Variants in RNF122 observed in about 807,000 individuals in gnomAD.
RNF122 encodes ring finger protein 122.
Under a neutral mutation model 24.2 loss-of-function variants are expected in RNF122, and 17 were observed. That is an observed-to-expected ratio of 0.70 (90% CI 0.48 to 1.06). RNF122 has a LOEUF of 1.06. Among genes scored for constraint, RNF122 ranks in the 50% least tolerant of loss-of-function variants. The probability of loss-of-function intolerance (pLI) is 0.00; values close to 1 mark genes in which losing one functional copy is unlikely to be tolerated. For synonymous variants in RNF122, 65 were observed against 71.8 expected (o/e 0.91, Z 0.48); for missense variants, 168 against 198.1 (o/e 0.85, Z 0.91).
rs1471161893 is a variant in RNF122, at chr8:33,558,672, A to C, written c.125T>G (p.Phe42Cys). The C allele has an allele frequency of 1.2e-6, 2 of 1,611,676 alleles. No homozygotes were observed. The highest frequency in any genetic ancestry group is 1.7e-6 in the Non-Finnish European group (2 of 1,178,366). The change falls in exon 2 of 6, where the codon TTC becomes TGC. Residue 42 changes from phenylalanine (F) to cysteine (C), a missense_variant. Physicochemically the swap from Phe to Cys is radical, Grantham distance 205 (BLOSUM62 -2). Coordinates refer to ENST00000256257, the MANE Select transcript of RNF122 (RefSeq NM_024787.3). Reference protein sequence around the residue: ...DLPLNIYMVIFGTGIFVFMLS... With the variant: ...DLPLNIYMVICGTGIFVFMLS... ...CATGAAGACAAAGATGCCTGTGCCG[A>C]AGATGACCATATAGATGTTGAGCGG... is the stretch of plus-strand genomic sequence containing the variant.
At chr8:33,565,273 G>A (rs1404831866) in intron 1 of RNF122, among the ~76,000 whole-genome samples, 1 of 152,184 alleles carries the variant, frequency 6.6e-6, no homozygotes, top group Admixed American at 6.6e-5. Flanking sequence ...AAAGGAGGAA[G>A]GCGGGGTGGG....
chr8:33,557,622 C>T (rs891095191), intron 2 of RNF122, among the ~76,000 whole-genome samples: 4 of 115,502 alleles, frequency 3.5e-5, no homozygotes, highest in African/African-American at 1.1e-4. Flanking sequence ...AGTGAGACAC[C>T]GTCTCAAAAA....
rs1810635039 is a variant in RNF122 at position 33,566,880 on chromosome 8, G to T, written c.-157C>A. ...GAAGCCGAACTCCCTCCGGAGTGGG[G>T]GGCTTTGACGAGGCTGGTGTTCAGC... is the stretch of plus-strand genomic sequence containing the variant. On this transcript the variant is annotated 5_prime_UTR_variant, in exon 1 of 6. Coordinates refer to ENST00000256257, the MANE Select transcript of RNF122 (RefSeq NM_024787.3). 8 of 761,952 alleles carry T rather than the reference G, an allele frequency of 1.0e-5. 1 individual carries two copies. The South Asian group carries it at 1.3e-4, about 12-fold the overall frequency. 47.2% of individuals were successfully genotyped at this position (761,952 alleles called of 1,614,324 possible). A position where few individuals can be genotyped will look rare whatever the true frequency, so the allele number is the denominator to read the frequency against.
chr8:33,562,445 G>A (rs752173028), intron 1 of RNF122, among the ~76,000 whole-genome samples: 1 of 151,174 alleles, frequency 6.6e-6, no homozygotes, highest in Admixed American at 6.6e-5. Flanking sequence ...AGGAGGCTGA[G>A]ATGGGAGAAT....
intron 1 of RNF122, among the ~76,000 whole-genome samples, chr8:33,563,191 C>T (rs568883023): frequency 5.3e-5 from 8 of 152,002 alleles, no homozygotes; most frequent in African/African-American, 1.7e-4. Context: ...CTCCAGTGTC[C>T]GGCCTAGCCT....
At chr8:33,558,809 A>C in intron 1 of RNF122, 38 bp from the exon 2 acceptor site, 1 of 1,505,396 alleles carries the variant, frequency 6.6e-7, no homozygotes, top group Non-Finnish European at 9.0e-7. Flanking sequence ...TAGGGTTGGA[A>C]ATTTACTGCT....
intron 1 of RNF122, among the ~76,000 whole-genome samples, chr8:33,559,840 G>GTTT (rs34393992): frequency 7.6e-6 from 1 of 131,452 alleles, no homozygotes; most frequent in Admixed American, 7.8e-5. Context: ...GACCTACGCT[G>GTTT]TTTTTTTTTT....
intron 2 of RNF122, among the ~76,000 whole-genome samples, chr8:33,557,820 C>T (rs1810478389): frequency 6.6e-6 from 1 of 151,940 alleles, no homozygotes; most frequent in Admixed American, 6.6e-5. Flanking sequence ...TTTCCACTCT[C>T]AAAAATAAGA....
intron 2 of RNF122, among the ~76,000 whole-genome samples, chr8:33,554,236 G>A (rs978603413): frequency 1.3e-5 from 2 of 152,184 alleles, no homozygotes; most frequent in Admixed American, 6.5e-5. Context: ...TATGAGGCAC[G>A]TGCAGAGTAA....
intron 3 of RNF122, 118 bp downstream of exon 3, chr8:33,551,226 A>C: frequency 1.4e-6 from 2 of 1,465,312 alleles, no homozygotes; most frequent in East Asian, 4.5e-5. Flanking sequence ...AGCCTCAGGG[A>C]GACCCAGAGG....
chr8:33,559,679 G>A (rs1810510607), intron 1 of RNF122, among the ~76,000 whole-genome samples: 1 of 152,172 alleles, frequency 6.6e-6, no homozygotes, highest in African/African-American at 2.4e-5. Context: ...AGTGGCGATG[G>A]GGGTGGGGAG....
At chr8:33,557,103 G>A (rs1395777714) in intron 2 of RNF122, among the ~76,000 whole-genome samples, 2 of 152,214 alleles carry the variant, frequency 1.3e-5, no homozygotes, top group Non-Finnish European at 2.9e-5. Flanking sequence ...CACAGCTGAT[G>A]TCTACCCAAG....
In RNF122 at chr8:33,548,001, A is replaced by AG. The variant is rs1349714991; in HGVS notation, c.*751_*752insC. The AG allele has an allele frequency of 2.0e-5, 3 of 149,690 alleles. No individual in the cohort carries two copies. The highest frequency in any genetic ancestry group is 4.9e-5 in the African/African-American group (2 of 40,930). The allele number at this position is 149,690 out of a possible 1,614,324, so 9.3% of individuals were successfully genotyped here. ...TGATCAAAAAAAAAAAAAAAAAAAA[A>AG]AAAAAGGCCCCTGGGAATCAATTTA... On this transcript the variant is annotated 3_prime_UTR_variant, in exon 6 of 6. Transcript: ENST00000256257.
rs761131128 is a variant in RNF122, at chr8:33,548,867, C to A, written c.354G>T (p.Lys118Asn). Residue 118 changes from lysine (K) to asparagine (N), a missense_variant and splice_region_variant, in exon 6 of 6, where the codon AAG (lysine) becomes AAT (asparagine). Coordinates refer to ENST00000256257, the MANE Select transcript of RNF122 (RefSeq NM_024787.3). ...VLPCQHAFHR[K>N]CLVKWLEVRC... ...GAACTTCCAGCCATTTCACCAGACA[C>A]CTGAGAACAAATGAGGAATGGTAAT... 1.9e-6 allele frequency: 3 copies of A among 1,607,340 alleles called. No homozygotes were observed. The highest frequency in any genetic ancestry group is 2.6e-6 in the Non-Finnish European group (3 of 1,173,944).
intron 1 of RNF122, among the ~76,000 whole-genome samples, chr8:33,565,424 T>G (rs531588137): frequency 3.3e-5 from 5 of 152,078 alleles, no homozygotes; most frequent in African/African-American, 9.6e-5. Context: ...TACTGAGAGA[T>G]AAGGCCAGCT....
At chr8:33,557,882 C>T (rs1048927262) in intron 2 of RNF122, among the ~76,000 whole-genome samples, 4 of 152,076 alleles carry the variant, frequency 2.6e-5, no homozygotes, top group African/African-American at 9.7e-5. Context: ...GTGACTCATG[C>T]CTGCAATCCT....
In RNF122 at chr8:33,551,048, T is replaced by C; in HGVS notation, c.266A>G (p.Tyr89Cys). 6 of 1,614,004 alleles carry C rather than the reference T, an allele frequency of 3.7e-6. No individual in the cohort carries two copies. The highest frequency in any genetic ancestry group is 4.5e-5 in the East Asian group (2 of 44,866). ...LKGDAKKLQL[Y>C]GQTCAVCLED... is the part of the protein sequence containing the mutation. Reference sequence around the variant, plus strand: ...ACACTTTCCTGGCACACTTACCCCATATAATTGTAACTTCTTGGCATCACC... The same window carrying C: ...ACACTTTCCTGGCACACTTACCCCACATAATTGTAACTTCTTGGCATCACC... The change falls in exon 4 of 6, where the codon TAT becomes TGT. Residue 89 changes from tyrosine to cysteine, a missense_variant. Tyr to Cys is a radical substitution (Grantham distance 194, BLOSUM62 -2). Transcript: ENST00000256257.
At chr8:33,564,265 G>A (rs1810588322) in intron 1 of RNF122, among the ~76,000 whole-genome samples, 1 of 152,158 alleles carries the variant, frequency 6.6e-6, no homozygotes, top group African/African-American at 2.4e-5. Flanking sequence ...AGTGCAAAGA[G>A]GGCCAGACAA....
At position 33,566,695 on chromosome 8, in the gene RNF122, TCA is replaced by T; in HGVS notation, c.25+2_25+3del. ...TAGGCTCGGCCCTCGCCCCGGGGACTCACCGTTACACCACTGGAATGGGTGCA... is the reference window on the plus strand; with the variant it reads ...TAGGCTCGGCCCTCGCCCCGGGGACTCCGTTACACCACTGGAATGGGTGCA... On this transcript the variant is annotated splice_donor_variant and splice_donor_region_variant and intron_variant, in intron 1 of 5. Transcript: ENST00000256257. LOFTEE classifies it high-confidence loss of function. 1 of 1,602,772 alleles carries T rather than the reference TCA, an allele frequency of 6.2e-7. No individual in the cohort carries two copies. The highest frequency in any genetic ancestry group is 8.5e-7 in the Non-Finnish European group (1 of 1,175,768).
Sources: gnomAD v4.1 joint callset for allele counts (sites outside exome capture counted in the v4.1 genomes callset) on GRCh38, gnomAD v4.1.1 for gene constraint, MANE v1.5 for transcripts, NCBI Gene and HGNC (gene_info 2026-07-23, HGNC 2026-07-21) for gene names.